SYN3: variants seen among roughly 807,000 people sequenced by gnomAD.
The protein encoded by SYN3 is synapsin III.
A neutral mutation model predicts 65.8 loss-of-function variants in SYN3; 35 were observed. That is an observed-to-expected ratio of 0.53 (90% CI 0.41 to 0.70). The LOEUF is 0.70. Among genes scored for constraint, SYN3 ranks in the 30% least tolerant of loss-of-function variants. The pLI is 0.00. For missense variants in SYN3, 680 were observed against 749.0 expected, an observed-to-expected ratio of 0.91 and a Z score of 1.08; for synonymous variants, 270 against 292.9, an observed-to-expected ratio of 0.92 and a Z score of 0.80.
chr22:32,595,515 T>TA (rs2146581598), intron 7 of SYN3, among the ~76,000 whole-genome samples: 1 of 152,300 alleles, frequency 6.6e-6, no homozygotes, highest in Non-Finnish European at 1.5e-5. Flanking sequence ...CTGTGTGAGA[T>TA]ATATTATATT....
intron 6 of SYN3, among the ~76,000 whole-genome samples, chr22:32,781,318 C>T (rs1204407097): frequency 6.6e-6 from 1 of 151,996 alleles, no homozygotes; most frequent in Non-Finnish European, 1.5e-5. Flanking sequence ...AGCATAGTAC[C>T]TTATAGAACA....
intron 7 of SYN3, among the ~76,000 whole-genome samples, chr22:32,580,926 G>T (rs1371863386): frequency 6.6e-6 from 1 of 152,166 alleles, no homozygotes; most frequent in Non-Finnish European, 1.5e-5. Context: ...CAGGCAGGCG[G>T]GACTGCAGAT....
chr22:32,627,088 C>A (rs984595580), intron 6 of SYN3, among the ~76,000 whole-genome samples: 10 of 152,094 alleles, frequency 6.6e-5, no homozygotes, highest in Non-Finnish European at 1.3e-4. Context: ...GCGAGCTGTG[C>A]GGTTCCTCCT....
At chr22:32,777,005 A>G (rs5754267) in intron 6 of SYN3, among the ~76,000 whole-genome samples, 107,163 of 151,774 alleles carry the variant, frequency 0.71, 38,378 homozygotes, top group African/African-American at 0.83. Flanking sequence ...CATGATCACT[A>G]GATGTCACGT....
chr22:32,857,384 G>T (rs2048400544), intron 6 of SYN3: 1 of 1,592,514 alleles, frequency 6.3e-7, no homozygotes, highest in Non-Finnish European at 8.6e-7. Flanking sequence ...CTAGCTTCTA[G>T]GCCAGGGTTT....
rs2058254729 is a variant in SYN3, at chr22:32,541,556, GC to G, written c.917+14del. 1.2e-6 allele frequency: 2 copies of G among 1,613,866 alleles called. No homozygotes were observed. The highest frequency in any genetic ancestry group is 1.7e-6 in the Non-Finnish European group (2 of 1,179,840). ...TTCCTCCCACACTCCCCCAGCCCCT[GC>G]CCCAGAGACTCACATGTAAGCCTTG... On this transcript the variant is annotated intron_variant, in intron 8 of 13. Transcript: ENST00000358763.
intron 6 of SYN3, among the ~76,000 whole-genome samples, chr22:32,824,671 A>G (rs1288493487): frequency 3.3e-5 from 5 of 152,224 alleles, no homozygotes; most frequent in African/African-American, 4.8e-5. Flanking sequence ...AGTTACTTGT[A>G]TTCGTTGAAT....
intron 6 of SYN3, among the ~76,000 whole-genome samples, chr22:32,844,988 C>T (rs906847766): frequency 6.6e-6 from 1 of 152,168 alleles, no homozygotes; most frequent in African/African-American, 2.4e-5. Context: ...CTTGGCCTCC[C>T]AAAGTGATGA....
chr22:32,624,075 A>C (rs2059632113), intron 6 of SYN3, among the ~76,000 whole-genome samples: 1 of 152,208 alleles, frequency 6.6e-6, no homozygotes, highest in Non-Finnish European at 1.5e-5. Flanking sequence ...TGCCAAGATC[A>C]ACTGTTTGGA....
chr22:32,836,402 A>G (rs1311147939), intron 6 of SYN3, among the ~76,000 whole-genome samples: 1 of 152,250 alleles, frequency 6.6e-6, no homozygotes, highest in African/African-American at 2.4e-5. Flanking sequence ...AGGCCAGGGC[A>G]GGTGGTTCAG....
rs771047148 is a variant in SYN3, at chr22:32,518,051, C to T, written c.1602G>A (p.Pro534=). Residue 534 remains proline (P), a synonymous_variant, in exon 13 of 14, where the codon CCG becomes CCA. Transcript: ENST00000358763. Reference sequence around the variant, plus strand: ...ATTCCCAAAGCACTTACTTGAGATGCGGATGGGGTGGTGCTGGCTTCTTGG... The same window carrying T: ...ATTCCCAAAGCACTTACTTGAGATGTGGATGGGGTGGTGCTGGCTTCTTGG... The part of the protein sequence containing the change: ...EESKKPAPPH[P]HLNKSQSLTN... 1.8e-5 allele frequency: 27 copies of T among 1,517,362 alleles called. No individual in the cohort carries two copies. Among genetic ancestry groups the T allele is most frequent in the Middle Eastern group, 3.6e-4 (2 of 5,624 alleles). The allele number at this position is 1,517,362 out of a possible 1,614,324, so 94.0% of individuals were successfully genotyped here. A position where few individuals can be genotyped will look rare whatever the true frequency, so the allele number is the denominator to read the frequency against.
At chr22:32,885,516 G>A (rs188117966) in intron 4 of SYN3, among the ~76,000 whole-genome samples, 20 of 151,674 alleles carry the variant, frequency 1.3e-4, no homozygotes, top group Admixed American at 3.3e-4. Context: ...GAATCCTCCC[G>A]GCAGGTACAT....
At chr22:32,723,226 T>G (rs945622109) in intron 6 of SYN3, among the ~76,000 whole-genome samples, 9 of 152,248 alleles carry the variant, frequency 5.9e-5, no homozygotes, top group Admixed American at 1.3e-4. Flanking sequence ...AACTCCTGAC[T>G]TGACCACTTG....
rs181464871 is a variant in SYN3, at chr22:32,844,675, A to T, written c.711+20240T>A. 6.6e-5 allele frequency among the ~76,000 whole-genome samples: 10 copies of T among 151,516 alleles called. No individual in the cohort carries two copies. The East Asian group carries it at 1.9e-3, about 29-fold the overall frequency. On this transcript the variant is annotated intron_variant, in intron 6 of 13. Transcript: ENST00000358763. ...ATACTTTTACATTGAAATACTGCTT[A>T]TTCCTTAATCAATCTCTTCCTTGTT...
chr22:32,584,597 T>C (rs2058996494), intron 7 of SYN3, among the ~76,000 whole-genome samples: 1 of 152,234 alleles, frequency 6.6e-6, no homozygotes, highest in Non-Finnish European at 1.5e-5. Flanking sequence ...TTGTTTTTCA[T>C]GGAGGGGTCC....
At chr22:32,640,245 T>C (rs1042892870) in intron 6 of SYN3, among the ~76,000 whole-genome samples, 7 of 152,168 alleles carry the variant, frequency 4.6e-5, no homozygotes, top group African/African-American at 1.7e-4. Flanking sequence ...TGAACCTCTA[T>C]TGTAGCATTT....
chr22:32,990,387 CCCAT>C (rs1197278336), intron 2 of SYN3, among the ~76,000 whole-genome samples: 16 of 137,940 alleles, frequency 1.2e-4, no homozygotes, highest in African/African-American at 3.7e-4. Context: ...CATCCATCCA[CCCAT>C]CCATCCATCC....
chr22:32,652,973 A>G (rs2060093734), intron 6 of SYN3, among the ~76,000 whole-genome samples: 1 of 152,228 alleles, frequency 6.6e-6, no homozygotes, highest in African/African-American at 2.4e-5. Context: ...CATCTCTTGC[A>G]ATGGGGCTTT....
intron 6 of SYN3, among the ~76,000 whole-genome samples, chr22:32,732,299 G>C (rs1276979878): frequency 1.3e-5 from 2 of 152,150 alleles, no homozygotes; most frequent in Non-Finnish European, 2.9e-5. Context: ...TGAACCAATG[G>C]ATTTAATCAG....
Sources: gnomAD v4.1 joint callset for allele counts (sites outside exome capture counted in the v4.1 genomes callset) on GRCh38, gnomAD v4.1.1 for gene constraint, MANE v1.5 for transcripts, NCBI Gene and HGNC (gene_info 2026-07-23, HGNC 2026-07-21) for gene names.